Variants in CACNA1D observed in about 807,000 individuals in gnomAD.
CACNA1D encodes the protein voltage-dependent L-type calcium channel subunit alpha-1D.
Under a neutral mutation model 257.1 loss-of-function variants are expected in CACNA1D, and 55 were observed. The ratio of observed to expected loss-of-function variants is 0.21; its 90% CI spans 0.17 to 0.27. The LOEUF (loss-of-function observed/expected upper bound fraction) is 0.27. Among genes scored for constraint, CACNA1D ranks in the 10% least tolerant of loss-of-function variants. The pLI is 1.00. For synonymous variants in CACNA1D, 980 were observed against 1,014.9 expected (o/e 0.97, Z 0.65); for missense variants, 1,876 against 2,784.0 (o/e 0.67, Z 7.34).
In CACNA1D at chr3:53,749,277, T is replaced by C; in HGVS notation, c.3324T>C (p.Tyr1108=). 6.2e-7 allele frequency: 1 copy of C among 1,613,694 alleles called. No individual in the cohort carries two copies. The highest frequency in any genetic ancestry group is 1.3e-5 in the African/African-American group (1 of 75,040). Residue 1108 remains tyrosine, a synonymous_variant, in exon 27 of 48, where the codon TAT becomes TAC. Transcript: ENST00000350061. ...GTTTTTCTCTCTCTAGGTTGCTGTA[T>C]AAAGCCATCGACTCGAATGGAGAGA... ...STFEGWPALL[Y]KAIDSNGENI...
chr3:53,621,405 C>T (rs1410026590), intron 3 of CACNA1D, among the ~76,000 whole-genome samples: 1 of 152,082 alleles, frequency 6.6e-6, no homozygotes, highest in Non-Finnish European at 1.5e-5. Context: ...TTTCCTTATG[C>T]CAATAGTAAG....
chr3:53,552,620 A>T (rs911468654), intron 3 of CACNA1D, among the ~76,000 whole-genome samples: 1 of 152,190 alleles, frequency 6.6e-6, no homozygotes, highest in Non-Finnish European at 1.5e-5. Flanking sequence ...ACCTCAAGTG[A>T]TCTGCCCGCC....
chr3:53,497,810 G>A (rs576285914), intron 2 of CACNA1D, among the ~76,000 whole-genome samples: 1 of 152,244 alleles, frequency 6.6e-6, no homozygotes, highest in South Asian at 2.1e-4. Flanking sequence ...TTGGGCAATA[G>A]CATGCATTGA....
intron 37 of CACNA1D, among the ~76,000 whole-genome samples, chr3:53,778,120 C>T (rs1463832911): frequency 6.6e-6 from 1 of 152,192 alleles, no homozygotes; most frequent in Non-Finnish European, 1.5e-5. Flanking sequence ...CCCTGAAAAT[C>T]CAGAAAGCCT....
chr3:53,615,899 C>T (rs928143280), intron 3 of CACNA1D, among the ~76,000 whole-genome samples: 3 of 152,156 alleles, frequency 2.0e-5, no homozygotes, highest in African/African-American at 7.2e-5. Flanking sequence ...GACACTGTAT[C>T]GATAGCAGGT....
chr3:53,764,713 G>A (rs2095322984), intron 30 of CACNA1D, among the ~76,000 whole-genome samples: 1 of 152,218 alleles, frequency 6.6e-6, no homozygotes, highest in Non-Finnish European at 1.5e-5. Context: ...GCTCATCAGT[G>A]TATCAGTGTT....
At chr3:53,802,027 G>A (rs1305001221) in intron 42 of CACNA1D, 120 bp from the exon 43 acceptor site, 1 of 870,428 alleles carries the variant, frequency 1.1e-6, no homozygotes, top group African/African-American at 1.6e-5. Context: ...CTATGTGGAT[G>A]GCGAATCATA....
chr3:53,626,113 C>T (rs1209630341), intron 3 of CACNA1D, among the ~76,000 whole-genome samples: 2 of 152,184 alleles, frequency 1.3e-5, no homozygotes, highest in Non-Finnish European at 2.9e-5. Context: ...GCACCTTACT[C>T]TGTACTTTCT....
At position 53,672,759 on chromosome 3, in the gene CACNA1D, TG is replaced by T. The variant is rs1264372698; in HGVS notation, c.1117-263del. On this transcript the variant is annotated intron_variant, in intron 7 of 47. Transcript: ENST00000350061. ...TTCGGCCTGAAAGCCTTGATGACTC[TG>T]TGTGTGTGTGTGTGTGTGTGTGTGT... is the stretch of plus-strand genomic sequence containing the variant. Among the ~76,000 whole-genome samples the T allele has an allele frequency of 1.5e-3, 4 of 2,594 alleles. 1 individual carries two copies. The highest frequency in any genetic ancestry group is 7.4e-3 in the African/African-American group (4 of 544). 1.7% of individuals were successfully genotyped at this position (2,594 alleles called of 152,430 possible). A position where few individuals can be genotyped will look rare whatever the true frequency, so the allele number is the denominator to read the frequency against.
chr3:53,497,751 C>T (rs2090414432), intron 2 of CACNA1D, among the ~76,000 whole-genome samples: 1 of 152,172 alleles, frequency 6.6e-6, no homozygotes, highest in South Asian at 2.1e-4. Context: ...GTGAAACCAA[C>T]CTTTGGTTAT....
chr3:53,656,308 T>C (rs1441195569), intron 4 of CACNA1D, among the ~76,000 whole-genome samples: 2 of 152,158 alleles, frequency 1.3e-5, no homozygotes, highest in Non-Finnish European at 2.9e-5. Context: ...TTTCTAGTTA[T>C]GTGAAGAATG....
chr3:53,689,494 G>A (rs2094501385), intron 8 of CACNA1D, among the ~76,000 whole-genome samples: 2 of 152,088 alleles, frequency 1.3e-5, no homozygotes, highest in South Asian at 4.1e-4. Flanking sequence ...GGGGGCTGCA[G>A]GGATGGGGTC....
chr3:53,731,480 C>T (rs768453499), intron 17 of CACNA1D, among the ~76,000 whole-genome samples: 11 of 152,186 alleles, frequency 7.2e-5, no homozygotes, highest in Admixed American at 5.2e-4. Context: ...ATGAAAATCG[C>T]GGATTTTTAA....
At chr3:53,602,290 ATTCT>A (rs1221767500) in intron 3 of CACNA1D, among the ~76,000 whole-genome samples, 1 of 152,196 alleles carries the variant, frequency 6.6e-6, no homozygotes, top group Non-Finnish European at 1.5e-5. Context: ...ACAGGGTTTC[ATTCT>A]TTTTATGGCA....
In CACNA1D at chr3:53,751,871, C is replaced by A; in HGVS notation, c.3639C>A (p.Val1213=). ...NSSPFEYMMF[V]LIMLNTLCLA... Reference sequence around the variant, plus strand: ...CGCCTTTCGAATACATGATGTTTGTCCTCATCATGCTCAACACACTCTGCT... The same window carrying A: ...CGCCTTTCGAATACATGATGTTTGTACTCATCATGCTCAACACACTCTGCT... Residue 1213 remains valine (V), a synonymous_variant, in exon 28 of 48, where the codon GTC becomes GTA. Coordinates refer to ENST00000350061, the MANE Select transcript of CACNA1D (RefSeq NM_001128840.3). The surrounding 1 kb of genome is among the most constrained non-coding windows in gnomAD (Gnocchi z 4.3). The A allele has an allele frequency of 6.2e-7, 1 of 1,613,968 alleles. No individual in the cohort carries two copies. Among genetic ancestry groups the A allele is most frequent in the Non-Finnish European group, 8.5e-7 (1 of 1,179,932 alleles).
At chr3:53,558,421 A>G (rs1218651834) in intron 3 of CACNA1D, among the ~76,000 whole-genome samples, 1 of 152,086 alleles carries the variant, frequency 6.6e-6, no homozygotes, top group African/African-American at 2.4e-5. Context: ...TACTAATTCA[A>G]TCTCTTCAGT....
At chr3:53,738,638 C>T (rs543334840) in intron 20 of CACNA1D, among the ~76,000 whole-genome samples, 29 of 152,084 alleles carry the variant, frequency 1.9e-4, no homozygotes, top group Non-Finnish European at 3.8e-4. Flanking sequence ...AGTTTATTTC[C>T]CTGCTGCCTT....
At chr3:53,651,366 C>CTTTTTT (rs779207160) in intron 4 of CACNA1D, among the ~76,000 whole-genome samples, 1,747 of 81,738 alleles carry the variant, frequency 0.021, 291 homozygotes, top group African/African-American at 0.051. Context: ...TATTAATTTT[C>CTTTTTT]TTTTTTTTTT....
chr3:53,522,056 A>G (rs982102589), intron 3 of CACNA1D, among the ~76,000 whole-genome samples: 13 of 152,116 alleles, frequency 8.5e-5, no homozygotes, highest in East Asian at 1.9e-4. Flanking sequence ...GGATTGCTTC[A>G]GCCCAGGAGT....
Sources: allele counts gnomAD v4.1 joint callset (sites outside exome capture counted in the v4.1 genomes callset), GRCh38; gene constraint gnomAD v4.1.1; non-coding constraint Gnocchi (gnomAD v3.1); transcripts MANE v1.5; gene names NCBI Gene and HGNC (gene_info 2026-07-23, HGNC 2026-07-21).